Variants in SGCZ observed in about 807,000 individuals in gnomAD.
SGCZ encodes the protein sarcoglycan zeta, also known as zeta-sarcoglycan.
SGCZ carries 40 observed loss-of-function variants against 41.3 expected under a neutral mutation model. That is an observed-to-expected ratio of 0.97 (90% CI 0.75 to 1.26). The LOEUF (loss-of-function observed/expected upper bound fraction) is 1.26. Among genes scored for constraint, SGCZ ranks in the 50% most tolerant of loss-of-function variants. The pLI is 0.00. For missense variants in SGCZ, 552 were observed against 369.8 expected (o/e 1.49, Z -4.04); for synonymous variants, 206 against 137.5 (o/e 1.50, Z -3.49).
At chr8:15,168,587 C>T (rs915772959) in intron 1 of SGCZ, among the ~76,000 whole-genome samples, 1 of 152,158 alleles carries the variant, frequency 6.6e-6, no homozygotes, top group African/African-American at 2.4e-5. Flanking sequence ...TCTTCCCTGT[C>T]TCCATCACTT....
rs958799992 is a variant in SGCZ at position 14,396,018 on chromosome 8, C to T, written c.235-71814G>A. Among the ~76,000 whole-genome samples the T allele has an allele frequency of 9.9e-5, 15 of 152,176 alleles. No individual in the cohort carries two copies. The South Asian group carries it at 1.2e-3, about 13-fold the overall frequency. ...TCCTCACTGTATGTGCGTTTATGAT[C>T]GGAGAGAGGGTACGTACAAAAGAAA... On this transcript the variant is annotated intron_variant, in intron 2 of 7. Coordinates refer to ENST00000382080, the MANE Select transcript of SGCZ (RefSeq NM_139167.4).
chr8:14,247,523 A>G (rs758377381), intron 3 of SGCZ, among the ~76,000 whole-genome samples: 36 of 152,216 alleles, frequency 2.4e-4, no homozygotes, highest in Non-Finnish European at 1.0e-4. Flanking sequence ...TTCTAGACTC[A>G]TTATCCTAAA....
intron 4 of SGCZ, among the ~76,000 whole-genome samples, chr8:14,225,246 T>C (rs1389798273): frequency 6.6e-6 from 1 of 152,122 alleles, no homozygotes; most frequent in African/African-American, 2.4e-5. Flanking sequence ...GGTGACCTAT[T>C]TAATGTTGTA....
chr8:14,117,180 G>A (rs1011860734), intron 5 of SGCZ, among the ~76,000 whole-genome samples: 1 of 152,022 alleles, frequency 6.6e-6, no homozygotes, highest in Admixed American at 6.6e-5. Context: ...TAATGCATTA[G>A]AGATGAGCAT....
intron 5 of SGCZ, among the ~76,000 whole-genome samples, chr8:14,155,866 G>A (rs1319595780): frequency 6.6e-6 from 1 of 152,026 alleles, no homozygotes; most frequent in Non-Finnish European, 1.5e-5. Context: ...AGGCTAAGTG[G>A]TATAGCCTAC....
chr8:14,946,405 CT>C (rs1207230805), intron 1 of SGCZ, among the ~76,000 whole-genome samples: 1 of 152,028 alleles, frequency 6.6e-6, no homozygotes, highest in Non-Finnish European at 1.5e-5. Flanking sequence ...CATTTCATTT[CT>C]AACTGCCCTG....
chr8:14,228,715 G>C (rs1288704299), intron 4 of SGCZ, among the ~76,000 whole-genome samples: 2 of 152,012 alleles, frequency 1.3e-5, no homozygotes, highest in East Asian at 3.9e-4. Flanking sequence ...CTTAAAAGAG[G>C]CACAGTTTGT....
intron 4 of SGCZ, among the ~76,000 whole-genome samples, chr8:14,167,037 T>C (rs1196419925): frequency 6.6e-6 from 1 of 152,150 alleles, no homozygotes; most frequent in Non-Finnish European, 1.5e-5. Flanking sequence ...CAATTAGCAA[T>C]GCATTGATAG....
intron 1 of SGCZ, among the ~76,000 whole-genome samples, chr8:14,724,024 C>T (rs1264667092): frequency 6.6e-6 from 1 of 152,044 alleles, no homozygotes; most frequent in Admixed American, 6.6e-5. Context: ...TTTATTCACA[C>T]TCTTGGTGTT....
intron 1 of SGCZ, among the ~76,000 whole-genome samples, chr8:14,937,093 T>G (rs566860014): frequency 6.6e-6 from 1 of 151,942 alleles, no homozygotes; most frequent in East Asian, 1.9e-4. Flanking sequence ...AAGTTTAAAC[T>G]GGCCAAAAGT....
intron 5 of SGCZ, among the ~76,000 whole-genome samples, chr8:14,118,251 T>G (rs1761140334): frequency 6.6e-6 from 1 of 151,856 alleles, no homozygotes; most frequent in African/African-American, 2.4e-5. Context: ...ATCTGTTGTT[T>G]CCTGACTTTT....
At chr8:15,223,686 T>C (rs1192321077) in intron 1 of SGCZ, among the ~76,000 whole-genome samples, 2 of 152,166 alleles carry the variant, frequency 1.3e-5, no homozygotes, top group Non-Finnish European at 2.9e-5. Context: ...CATTAGTAGA[T>C]ATATAAAACA....
intron 5 of SGCZ, among the ~76,000 whole-genome samples, chr8:14,137,962 TCAGA>T (rs1392399050): frequency 6.6e-6 from 1 of 152,136 alleles, no homozygotes; most frequent in Non-Finnish European, 1.5e-5. Flanking sequence ...GGGAAGCCCA[TCAGA>T]CTAACAGCAG....
At chr8:15,187,952 G>A (rs1046973012) in intron 1 of SGCZ, among the ~76,000 whole-genome samples, 3 of 151,960 alleles carry the variant, frequency 2.0e-5, no homozygotes, top group Non-Finnish European at 4.4e-5. Flanking sequence ...TGGGTGAGTA[G>A]GGGGGTGTAT....
intron 1 of SGCZ, among the ~76,000 whole-genome samples, chr8:15,044,291 A>T (rs138015165): frequency 4.6e-5 from 7 of 152,066 alleles, no homozygotes; most frequent in African/African-American, 1.7e-4. Context: ...CATCAATTCA[A>T]CCCTTCTTTT....
chr8:14,833,356 C>A (rs181638531), intron 1 of SGCZ, among the ~76,000 whole-genome samples: 2 of 152,248 alleles, frequency 1.3e-5, no homozygotes, highest in East Asian at 3.9e-4. Flanking sequence ...CTGAAATTCA[C>A]ATTTTATTAA....
intron 1 of SGCZ, among the ~76,000 whole-genome samples, chr8:14,838,101 A>G (rs907868566): frequency 2.6e-5 from 4 of 152,184 alleles, no homozygotes; most frequent in Non-Finnish European, 5.9e-5. Context: ...AGAAAGTTAA[A>G]TCTCATGTTC....
At chr8:14,332,644 C>G (rs564878912) in intron 2 of SGCZ, 1 of 151,632 alleles carries the variant, frequency 6.6e-6, no homozygotes, top group East Asian at 1.9e-4. Context: ...CTTCTCACTA[C>G]GGTACTTGAA....
intron 2 of SGCZ, among the ~76,000 whole-genome samples, chr8:14,535,553 T>C (rs1435350804): frequency 6.6e-6 from 1 of 151,958 alleles, no homozygotes; most frequent in Non-Finnish European, 1.5e-5. Context: ...AACTTAAATG[T>C]GTAGGAAACA....
Sources: allele counts gnomAD v4.1 joint callset (sites outside exome capture counted in the v4.1 genomes callset), GRCh38; gene constraint gnomAD v4.1.1; transcripts MANE v1.5; gene names NCBI Gene and HGNC (gene_info 2026-07-23, HGNC 2026-07-21).